Variants in AHNAK observed in about 807,000 individuals in gnomAD.
AHNAK encodes the protein neuroblast differentiation-associated protein AHNAK.
Under a neutral mutation model 37.8 loss-of-function variants are expected in AHNAK, and 23 were observed. That is an observed-to-expected ratio of 0.61 (90% CI 0.44 to 0.86). The LOEUF is 0.86. Ranked by LOEUF, AHNAK falls within the 40% of genes least tolerant of loss-of-function variation. The pLI, the probability that AHNAK is intolerant of heterozygous loss-of-function variation, is 0.00. For synonymous variants in AHNAK, 2,481 were observed against 2,636.3 expected, an observed-to-expected ratio of 0.94 and a Z score of 1.80; for missense variants, 7,411 against 7,319.4, an observed-to-expected ratio of 1.01 and a Z score of -0.46.
rs878859974 is a variant in AHNAK at position 62,522,970 on chromosome 11, C to G, written c.11447G>C (p.Gly3816Ala). 1 of 1,613,770 alleles carries G rather than the reference C, an allele frequency of 6.2e-7. No individual in the cohort carries two copies. The highest frequency in any genetic ancestry group is 1.1e-5 in the South Asian group (1 of 91,048). ...KVKMPKFSMP[G>A]FKGEGPDVDV... ...CACATCTGGGCCCTCTCCTTTGAAG[C>G]CAGGCATGCTGAACTTGGGCATTTT... Residue 3816 changes from glycine to alanine, a missense_variant, in exon 5 of 5, where the codon GGC (glycine) becomes GCC (alanine). By Grantham distance (60) the Gly-to-Ala change is moderately conservative. Transcript: ENST00000378024.
chr11:62,480,410 C>T (rs1249946377), intron 5 of AHNAK, among the ~76,000 whole-genome samples: 5 of 151,966 alleles, frequency 3.3e-5, no homozygotes, highest in African/African-American at 1.2e-4. Flanking sequence ...GCCTGTAATC[C>T]CAGCACTTTG....
At position 62,525,845 on chromosome 11, in the gene AHNAK, G is replaced by A; in HGVS notation, c.8572C>T (p.Pro2858Ser). Residue 2858 changes from proline to serine, a missense_variant, in exon 5 of 5, where the codon CCT (proline) becomes TCT (serine). Coordinates refer to ENST00000378024, the MANE Select transcript of AHNAK (RefSeq NM_001620.3). ...KIKGDVDVTG[P>S]KVEGDLKGPE... ...CCTTTCAGATCTCCCTCTACCTTAG[G>A]GCCTGTAACATCCACATCTCCTTTT... 2 of 1,614,038 alleles carry A rather than the reference G, an allele frequency of 1.2e-6. No homozygotes were observed. Among genetic ancestry groups the A allele is most frequent in the Non-Finnish European group, 1.7e-6 (2 of 1,180,024 alleles).
Position 62,520,259 on chromosome 11 carries a change from T to C in AHNAK, c.14158A>G (p.Lys4720Glu), listed in dbSNP as rs551401360. Residue 4720 changes from lysine (K) to glutamate (E), a missense_variant, in exon 5 of 5, where the codon AAG becomes GAG. Physicochemically the swap from Lys to Glu is moderately conservative, Grantham distance 56 (BLOSUM62 1). Coordinates refer to ENST00000378024, the MANE Select transcript of AHNAK (RefSeq NM_001620.3). ...AAGTCAATATCAGGCATGGAGATCT[T>C]GGGGGCTTTGATGCTCATCTCAGGC... The part of the protein sequence containing the change: ...KMPEMSIKAP[K>E]ISMPDIDLNL... 13 of 1,612,830 alleles carry C rather than the reference T, an allele frequency of 8.1e-6. No homozygotes were observed. In the African/African-American group the frequency reaches 1.5e-4, roughly 18 times the overall value.
At chr11:62,494,237 A>G (rs369015137) in intron 4 of AHNAK, among the ~76,000 whole-genome samples, 3 of 152,252 alleles carry the variant, frequency 2.0e-5, no homozygotes, top group East Asian at 1.9e-4. Flanking sequence ...TTATTTTACA[A>G]AAACAATCCT....
intron 5 of AHNAK, among the ~76,000 whole-genome samples, chr11:62,475,895 GC>G (rs1311569462): frequency 2.6e-5 from 4 of 152,038 alleles, no homozygotes; most frequent in African/African-American, 9.7e-5. Context: ...GTGAGCCACC[GC>G]CCCCGGCTAT....
At chr11:62,449,493 G>A (rs896078737) in intron 5 of AHNAK, among the ~76,000 whole-genome samples, 30 of 152,164 alleles carry the variant, frequency 2.0e-4, no homozygotes, top group Admixed American at 7.2e-4. Context: ...AGGGGCCAGC[G>A]ACCAAGAGAG....
rs779493173 is a variant in AHNAK at position 62,533,684 on chromosome 11, G to A, written c.733C>T (p.Gln245Ter). 14 of 1,614,020 alleles carry A rather than the reference G, an allele frequency of 8.7e-6. No homozygotes were observed. The Admixed American group carries it at 2.0e-4, about 23-fold the overall frequency. ...ACCTTTATCCCAGGCATGGTGACCT[G>A]GAGCTTCGAGTGGCCAGCACCTTGG... ...ELQGAGHSKL[Q>*]VTMPGIKVGG... is the part of the protein sequence containing the mutation. Residue 245 changes from glutamine to a stop codon, truncating the protein, a stop_gained, in exon 5 of 5, where the codon CAG becomes TAG. Coordinates refer to ENST00000378024, the MANE Select transcript of AHNAK (RefSeq NM_001620.3). LOFTEE classifies it low-confidence loss of function (END_TRUNC).
chr11:62,491,620 T>C, intron 5 of AHNAK: 2 of 1,024,306 alleles, frequency 2.0e-6, no homozygotes, highest in Non-Finnish European at 2.9e-6. Flanking sequence ...TCCTGAGCCA[T>C]ATCCTTCCAC....
chr11:62,525,447 A>G lies in AHNAK; in HGVS notation c.8970T>C (p.Gly2990=), dbSNP rs1940442051. 1.9e-6 allele frequency: 3 copies of G among 1,611,800 alleles called. No individual in the cohort carries two copies. The highest frequency in any genetic ancestry group is 2.7e-5 in the African/African-American group (2 of 74,180). ...DVDISLPKVE[G]DLKGPEVDIR... The stretch of plus-strand genomic sequence containing the variant: ...TGTCAACTTCAGGGCCCTTGAGGTC[A>G]CCTTCCACTTTGGGCAGAGAAATAT... Residue 2990 remains glycine (G), a synonymous_variant, in exon 5 of 5, where the codon GGT becomes GGC. Coordinates refer to ENST00000378024, the MANE Select transcript of AHNAK (RefSeq NM_001620.3).
intron 5 of AHNAK, among the ~76,000 whole-genome samples, chr11:62,454,712 T>C (rs1026015073): frequency 6.6e-6 from 1 of 150,592 alleles, no homozygotes; most frequent in Non-Finnish European, 1.5e-5. Flanking sequence ...GGGAGAAGAG[T>C]GGGAGGGGGA....
intron 5 of AHNAK, among the ~76,000 whole-genome samples, chr11:62,465,655 A>G (rs1251831325): frequency 6.6e-6 from 1 of 152,002 alleles, no homozygotes; most frequent in East Asian, 1.9e-4. Context: ...TTAAAATTAA[A>G]AAAATTTTAC....
chr11:62,481,736 C>A (rs1751561323), intron 5 of AHNAK, among the ~76,000 whole-genome samples: 1 of 151,882 alleles, frequency 6.6e-6, no homozygotes, highest in Admixed American at 6.6e-5. Context: ...CACCACCATG[C>A]CTGGCTAATT....
rs1294814227 is a variant in AHNAK, at chr11:62,521,462, C to T, written c.12955G>A (p.Val4319Met). ...GPDWHLKMPK[V>M]KMPKFSMPGF... ...GGCATGCTGAATTTGGGCATTTTCA[C>T]CTTGGGCATCTTCAGGTGCCAGTCT... Residue 4319 changes from valine to methionine, a missense_variant, in exon 5 of 5, where the codon GTG (valine) becomes ATG (methionine). Val to Met is a conservative substitution (Grantham distance 21). Coordinates refer to ENST00000378024, the MANE Select transcript of AHNAK (RefSeq NM_001620.3). 4 of 1,612,574 alleles carry T rather than the reference C, an allele frequency of 2.5e-6. No homozygotes were observed. Among genetic ancestry groups the T allele is most frequent in the Middle Eastern group, 1.6e-4 (1 of 6,070 alleles).
chr11:62,472,953 G>T (rs906792409), intron 5 of AHNAK, among the ~76,000 whole-genome samples: 2 of 151,272 alleles, frequency 1.3e-5, no homozygotes, highest in Non-Finnish European at 2.9e-5. Context: ...CGAAACAGTG[G>T]TGCATGCCTG....
intron 5 of AHNAK, among the ~76,000 whole-genome samples, chr11:62,476,907 G>A (rs1398325783): frequency 3.3e-5 from 5 of 152,140 alleles, no homozygotes; most frequent in African/African-American, 9.7e-5. Flanking sequence ...TAAGATATAT[G>A]CTCAGCAAAT....
chr11:62,477,724 C>T (rs1300595010), intron 5 of AHNAK, among the ~76,000 whole-genome samples: 1 of 151,988 alleles, frequency 6.6e-6, no homozygotes, highest in Non-Finnish European at 1.5e-5. Context: ...ATCACTTGAA[C>T]CCGGGAGGCG....
intron 5 of AHNAK, among the ~76,000 whole-genome samples, chr11:62,472,047 C>T: frequency 6.6e-6 from 1 of 152,006 alleles, no homozygotes; most frequent in East Asian, 1.9e-4. Context: ...GGGTCCTCCT[C>T]AGGAGGAAGC....
Position 62,516,646 on chromosome 11 carries a change from C to T in AHNAK, c.*98G>A. The T allele has an allele frequency of 6.6e-7, 1 of 1,505,082 alleles. No individual in the cohort carries two copies. The highest frequency in any genetic ancestry group is 2.3e-5 in the East Asian group (1 of 43,952). The allele number at this position is 1,505,082 out of a possible 1,614,324, so 93.2% of individuals were successfully genotyped here. On this transcript the variant is annotated 3_prime_UTR_variant, in exon 5 of 5. Coordinates refer to ENST00000378024, the MANE Select transcript of AHNAK (RefSeq NM_001620.3). ...CAAGGTCTTTGCATGATTGCTGAGG[C>T]AGTCGGTGTGTTTCCCTTTGGAGTT... is the stretch of plus-strand genomic sequence containing the variant.
chr11:62,520,796 C>A lies in AHNAK; in HGVS notation c.13621G>T (p.Val4541Phe). ...PKIKGDMDIS[V>F]PKLEGDLKGP... ...TTCAGATCTCCCTCCAGTTTAGGAA[C>A]GGAAATGTCCATATCTCCTTTTATC... The change falls in exon 5 of 5, where the codon GTT becomes TTT. Residue 4541 changes from valine to phenylalanine, a missense_variant. Physicochemically the swap from Val to Phe is conservative, Grantham distance 50 (BLOSUM62 -1). Transcript: ENST00000378024. 3 of 1,613,960 alleles carry A rather than the reference C, an allele frequency of 1.9e-6. No homozygotes were observed. The highest frequency in any genetic ancestry group is 1.6e-4 in the Middle Eastern group (1 of 6,062).
Sources: allele counts gnomAD v4.1 joint callset (sites outside exome capture counted in the v4.1 genomes callset), GRCh38; gene constraint gnomAD v4.1.1; transcripts MANE v1.5; gene names NCBI Gene and HGNC (gene_info 2026-07-23, HGNC 2026-07-21).